MIB1: variants seen among roughly 807,000 people sequenced by gnomAD.
The protein encoded by MIB1 is E3 ubiquitin-protein ligase MIB1.
In MIB1, 278 loss-of-function variants were observed where a neutral mutation model predicts 124.5. The observed-to-expected ratio is 2.23, with a 90% CI of 2.02 to 2.47. The LOEUF is 2.47. MIB1 is among the 30% of genes most tolerant of loss of function. The pLI is 0.00. For missense variants in MIB1, 957 were observed against 1,254.4 expected, an observed-to-expected ratio of 0.76 and a Z score of 3.58; for synonymous variants, 446 against 429.4, an observed-to-expected ratio of 1.04 and a Z score of -0.48.
intron 1 of MIB1, among the ~76,000 whole-genome samples, chr18:21,722,486 T>C (rs2040720212): frequency 6.6e-6 from 1 of 152,124 alleles, no homozygotes; most frequent in Non-Finnish European, 1.5e-5. Context: ...TTCTCTTGCC[T>C]CAGCCTCCTG....
At chr18:21,839,407 T>C (rs566916484) in intron 13 of MIB1, among the ~76,000 whole-genome samples, 2 of 152,348 alleles carry the variant, frequency 1.3e-5, no homozygotes, top group South Asian at 2.1e-4. Context: ...TTGGTTATTG[T>C]TGCCTTATAG....
chr18:21,790,479 G>T (rs2041489535), intron 6 of MIB1, among the ~76,000 whole-genome samples: 1 of 152,004 alleles, frequency 6.6e-6, no homozygotes, highest in Non-Finnish European at 1.5e-5. Context: ...TTTAAGATAG[G>T]TCTGTATCTG....
chr18:21,798,435 G>A (rs2041611489), intron 8 of MIB1, among the ~76,000 whole-genome samples: 1 of 152,056 alleles, frequency 6.6e-6, no homozygotes, highest in Non-Finnish European at 1.5e-5. Flanking sequence ...TATTCTGGCT[G>A]AAGTACTCCC....
At position 21,853,136 on chromosome 18, in the gene MIB1, A is replaced by G. The variant is rs758609572; in HGVS notation, c.2587-4A>G. On this transcript the variant is annotated splice_polypyrimidine_tract_variant and splice_region_variant and intron_variant, in intron 17 of 20. Coordinates refer to ENST00000261537, the MANE Select transcript of MIB1 (RefSeq NM_020774.4). ...TCACTGTGCTGTAACCTCTTTTTCT[A>G]TAGATTGAAGAATGTGTGGTATGCT... The G allele has an allele frequency of 5.6e-6, 9 of 1,606,994 alleles. No homozygotes were observed. The highest frequency in any genetic ancestry group is 2.2e-5 in the East Asian group (1 of 44,810).
In MIB1 at chr18:21,847,114, G is replaced by C; in HGVS notation, c.2382G>C (p.Lys794Asn). 1.2e-6 allele frequency: 2 copies of C among 1,613,658 alleles called. No homozygotes were observed. Among genetic ancestry groups the C allele is most frequent in the South Asian group, 2.2e-5 (2 of 90,998 alleles). ...GCAAAGCACTGGCAAAGTGTCATAA[G>C]GAAAAAGTCAGGTTTGTATTATTTA... Reference protein sequence around the residue: ...NLCKALAKCHKEKVSGQVGSR... With the variant: ...NLCKALAKCHNEKVSGQVGSR... Residue 794 changes from lysine to asparagine, a missense_variant, in exon 16 of 21, where the codon AAG becomes AAC. Lys to Asn is a moderately conservative substitution (Grantham distance 94). Transcript: ENST00000261537.
At chr18:21,771,758 A>G (rs2041226134) in intron 3 of MIB1, among the ~76,000 whole-genome samples, 1 of 151,920 alleles carries the variant, frequency 6.6e-6, no homozygotes, top group Non-Finnish European at 1.5e-5. Context: ...ATGCTTTGGG[A>G]GGCTGAGGTA....
intron 13 of MIB1, 132 bp downstream of exon 13, chr18:21,838,629 A>G (rs909217366): frequency 1.2e-5 from 8 of 644,112 alleles, no homozygotes; most frequent in Non-Finnish European, 2.0e-5. Flanking sequence ...GATGATGAAA[A>G]TTCAGATATA....
At chr18:21,710,478 A>G (rs2040660818) in intron 1 of MIB1, among the ~76,000 whole-genome samples, 1 of 152,200 alleles carries the variant, frequency 6.6e-6, no homozygotes. Context: ...GCCCAGGTGC[A>G]GTAGCTCACA....
intron 3 of MIB1, 103 bp downstream of exon 3, chr18:21,768,855 C>A (rs2146411272): frequency 1.0e-6 from 1 of 977,982 alleles, no homozygotes; most frequent in Non-Finnish European, 1.4e-6. Context: ...GTTTTCCATG[C>A]CAGTAACAGT....
intron 3 of MIB1, among the ~76,000 whole-genome samples, chr18:21,769,735 A>G (rs2041204259): frequency 6.6e-6 from 1 of 152,204 alleles, no homozygotes; most frequent in Non-Finnish European, 1.5e-5. Flanking sequence ...GGGGGCTGGA[A>G]GTCATCTTTC....
chr18:21,852,736 G>T (rs989317047), intron 17 of MIB1, among the ~76,000 whole-genome samples: 1 of 152,164 alleles, frequency 6.6e-6, no homozygotes, highest in East Asian at 1.9e-4. Flanking sequence ...AATCTAGCTA[G>T]ATTTTTATTA....
At chr18:21,812,285 G>C (rs2041783053) in intron 10 of MIB1, 1 of 152,284 alleles carries the variant, frequency 6.6e-6, no homozygotes, top group Non-Finnish European at 1.5e-5. Flanking sequence ...GACTGTGGCA[G>C]CAGGCGAGGC....
At chr18:21,740,175 G>A (rs1236915677), upstream of MIB1, among the ~76,000 whole-genome samples, 1 of 152,256 alleles carries the variant, frequency 6.6e-6, no homozygotes, top group South Asian at 2.1e-4. Flanking sequence ...TTTGAATAAC[G>A]GCAACCAGAA....
At chr18:21,860,281 A>G (rs1408103662) in intron 20 of MIB1, among the ~76,000 whole-genome samples, 1 of 151,098 alleles carries the variant, frequency 6.6e-6, no homozygotes, top group Non-Finnish European at 1.5e-5. Flanking sequence ...TTATATTTTT[A>G]GTAGCGATAG....
At chr18:21,850,362 CCTT>C (rs2042170486) in intron 17 of MIB1, among the ~76,000 whole-genome samples, 1 of 151,858 alleles carries the variant, frequency 6.6e-6, no homozygotes, top group Non-Finnish European at 1.5e-5. Context: ...TTTTCCATTC[CCTT>C]CTTTTTATAA....
At chr18:21,843,094 A>C in intron 13 of MIB1, 37 bp from the exon 14 acceptor site, 2 of 1,507,206 alleles carry the variant, frequency 1.3e-6, no homozygotes, top group African/African-American at 1.4e-5. Flanking sequence ...TACTGTTGTC[A>C]AATTTTAACC....
intron 4 of MIB1, among the ~76,000 whole-genome samples, 176 bp downstream of exon 4, chr18:21,773,904 G>T (rs1040704495): frequency 2.0e-5 from 3 of 152,048 alleles, no homozygotes; most frequent in Admixed American, 2.0e-4. Flanking sequence ...TAATGTTTGA[G>T]TACCTTACTA....
At chr18:21,768,822 A>C (rs2041194522) in intron 3 of MIB1, 70 bp downstream of exon 3, 1 of 1,324,862 alleles carries the variant, frequency 7.5e-7, no homozygotes, top group African/African-American at 1.5e-5. Context: ...TATTACTACT[A>C]TAAATGAATT....
At chr18:21,797,092 A>G (rs542251393) in intron 7 of MIB1, among the ~76,000 whole-genome samples, 1 of 152,202 alleles carries the variant, frequency 6.6e-6, no homozygotes, top group East Asian at 1.9e-4. Context: ...TGAACACTGG[A>G]ATTTTGTGAT....
Sources: allele counts gnomAD v4.1 joint callset (sites outside exome capture counted in the v4.1 genomes callset), GRCh38; gene constraint gnomAD v4.1.1; transcripts MANE v1.5; gene names NCBI Gene and HGNC (gene_info 2026-07-23, HGNC 2026-07-21).